Variants in FAM20A observed in about 807,000 individuals in gnomAD.
FAM20A encodes FAM20A golgi associated secretory pathway pseudokinase, also known as pseudokinase FAM20A.
A neutral mutation model predicts 52.0 loss-of-function variants in FAM20A; 42 were observed. The observed-to-expected ratio is 0.81, with a 90% CI of 0.63 to 1.04. The LOEUF is 1.04. FAM20A is among the 50% of genes least tolerant of loss of function. The pLI, the probability that FAM20A is intolerant of heterozygous loss-of-function variation, is 0.00. For synonymous variants in FAM20A, 304 were observed against 298.9 expected, an observed-to-expected ratio of 1.02 and a Z score of -0.18; for missense variants, 742 against 712.7, an observed-to-expected ratio of 1.04 and a Z score of -0.47.
intron 1 of FAM20A, among the ~76,000 whole-genome samples, chr17:68,579,029 A>AG (rs1341765615): frequency 6.6e-6 from 1 of 150,950 alleles, no homozygotes; most frequent in East Asian, 1.9e-4. Context: ...AAAAAAAAAA[A>AG]CATGTCTAGG....
rs569536422 is a variant in FAM20A at position 68,543,323 on chromosome 17, G to A, written c.812+306C>T. Among the ~76,000 whole-genome samples the A allele has an allele frequency of 1.3e-5, 2 of 152,288 alleles. 1 individual carries two copies. The highest frequency in any genetic ancestry group is 4.1e-4 in the South Asian group (2 of 4,822). On this transcript the variant is annotated intron_variant, in intron 5 of 10. Transcript: ENST00000592554. ...AACAGTGAGACTCCTTGGATAAATA[G>A]GAGTGGGTGCATTCTCCTCGCTCTC...
At chr17:68,581,350 T>TTTTCTTTCTTTTCTTTC (rs2087943367) in intron 1 of FAM20A, among the ~76,000 whole-genome samples, 1 of 92,218 alleles carries the variant, frequency 1.1e-5, no homozygotes, top group Non-Finnish European at 2.1e-5. Context: ...GAAATGCAGT[T>TTTTCTTTCTTTTCTTTC]TTTCTTTCTT....
rs748626276 is a variant in FAM20A, at chr17:68,543,573, C to T, written c.812+56G>A. 9 of 1,497,508 alleles carry T rather than the reference C, an allele frequency of 6.0e-6. No individual in the cohort carries two copies. In the African/African-American group the frequency reaches 1.2e-4, roughly 21 times the overall value. 92.8% of individuals were successfully genotyped at this position (1,497,508 alleles called of 1,614,324 possible). A position where few individuals can be genotyped will look rare whatever the true frequency, so the allele number is the denominator to read the frequency against. On this transcript the variant is annotated intron_variant, in intron 5 of 10. Transcript: ENST00000592554. ...CACCTTGAGGGTCTGTCTAGCCACC[C>T]CTCCCAGAGGATTGGTCCTTATAGG...
chr17:68,550,384 TTTTTTTTTTTTTA>T, intron 4 of FAM20A, among the ~76,000 whole-genome samples: 1 of 136,936 alleles, frequency 7.3e-6, no homozygotes, highest in South Asian at 2.4e-4. Flanking sequence ...TTTTTTTTTT[TTTTTTTTTTTTTA>T]AGATAGAGAG....
chr17:68,564,232 C>G lies in FAM20A; in HGVS notation c.405-8489G>C, dbSNP rs144575690. Among the ~76,000 whole-genome samples the G allele has an allele frequency of 2.7e-3, 418 of 152,240 alleles. 2 individuals are homozygous for G. Among genetic ancestry groups the G allele is most frequent in the African/African-American group, 9.3e-3 (385 of 41,516 alleles). ...GTACAGGCTTAAAAAGTAGTTTAAGCCCTCTGAGCTTCAGTTTAGCTGTTG... is the reference window on the plus strand; with the variant it reads ...GTACAGGCTTAAAAAGTAGTTTAAGGCCTCTGAGCTTCAGTTTAGCTGTTG... On this transcript the variant is annotated intron_variant, in intron 1 of 10. Coordinates refer to ENST00000592554, the MANE Select transcript of FAM20A (RefSeq NM_017565.4).
intron 3 of FAM20A, among the ~76,000 whole-genome samples, chr17:68,553,901 CATAT>C (rs1270996263): frequency 7.5e-6 from 1 of 133,548 alleles, no homozygotes; most frequent in South Asian, 2.3e-4. Context: ...CACATATATG[CATAT>C]ATACATATAT....
intron 1 of FAM20A, among the ~76,000 whole-genome samples, chr17:68,571,987 C>CATACAT (rs2087555404): frequency 9.1e-5 from 4 of 43,770 alleles, no homozygotes; most frequent in African/African-American, 1.2e-4. Flanking sequence ...TATATACATA[C>CATACAT]ATATATATAT....
chr17:68,566,786 G>A (rs1397375710), intron 1 of FAM20A, among the ~76,000 whole-genome samples: 1 of 152,188 alleles, frequency 6.6e-6, no homozygotes, highest in African/African-American at 2.4e-5. Context: ...CTTTTGATGG[G>A]TAGTTTTAAA....
rs2086106887 is a variant in FAM20A, at chr17:68,536,717, G to A, written c.*760C>T. 2.2e-6 allele frequency: 1 copy of A among 453,868 alleles called. No homozygotes were observed. The highest frequency in any genetic ancestry group is 4.4e-6 in the Non-Finnish European group (1 of 226,782). 28.1% of individuals were successfully genotyped at this position (453,868 alleles called of 1,614,324 possible). On this transcript the variant is annotated 3_prime_UTR_variant, in exon 11 of 11. Transcript: ENST00000592554. ...GCTAGGCCTGTTCCCATGCCATCCT[G>A]ACCTTGGAGGACTTTCCTTTTTTTT...
chr17:68,565,297 G>T (rs1261555014), intron 1 of FAM20A, among the ~76,000 whole-genome samples: 4 of 150,876 alleles, frequency 2.7e-5, no homozygotes, highest in Non-Finnish European at 4.4e-5. Context: ...CATTCCTAAG[G>T]TCTCCCAGCT....
At chr17:68,594,382 G>C (rs2088394233) in intron 1 of FAM20A, among the ~76,000 whole-genome samples, 1 of 150,008 alleles carries the variant, frequency 6.7e-6, no homozygotes, top group African/African-American at 2.5e-5. Flanking sequence ...CTGGGCGACA[G>C]AGCGAGACTC....
chr17:68,573,932 C>T (rs2087651699), intron 1 of FAM20A, among the ~76,000 whole-genome samples: 1 of 152,026 alleles, frequency 6.6e-6, no homozygotes, highest in South Asian at 2.1e-4. Context: ...CCTGCCTCAG[C>T]CTCCCAAAGT....
At chr17:68,557,707 G>C (rs2087094464) in intron 1 of FAM20A, 1 of 152,178 alleles carries the variant, frequency 6.6e-6, no homozygotes. Flanking sequence ...CTGACACCCA[G>C]AATTAAGTGT....
chr17:68,577,755 C>T (rs866069714), intron 1 of FAM20A, among the ~76,000 whole-genome samples: 2 of 152,300 alleles, frequency 1.3e-5, no homozygotes, highest in South Asian at 4.1e-4. Context: ...AGCCTCTCCA[C>T]TCCTTCTATA....
At chr17:68,556,580 G>T (rs2907378) in intron 1 of FAM20A, among the ~76,000 whole-genome samples, 2,122 of 152,024 alleles carry the variant, frequency 0.014, 39 homozygotes, top group African/African-American at 0.048. Flanking sequence ...GGGCAGGGAG[G>T]GGGGGTGGTT....
intron 4 of FAM20A, among the ~76,000 whole-genome samples, chr17:68,545,179 A>C (rs1268960610): frequency 6.6e-6 from 1 of 152,230 alleles, no homozygotes; most frequent in African/African-American, 2.4e-5. Context: ...TTGGGACTGA[A>C]TTTTATAAAA....
At chr17:68,561,008 T>C (rs2143744251) in intron 1 of FAM20A, among the ~76,000 whole-genome samples, 1 of 152,366 alleles carries the variant, frequency 6.6e-6, no homozygotes, top group African/African-American at 2.4e-5. Flanking sequence ...TGTTAGTCTT[T>C]TTCCTATTGA....
rs997452932 is a variant in FAM20A, at chr17:68,540,796, C to T, written c.1219+53G>A. ...TTTGTGCTCAAGGTCACGGGGAACC[C>T]TAGCCACATAGCAGAGCCCACTTCT... On this transcript the variant is annotated intron_variant, in intron 8 of 10. Transcript: ENST00000592554. 6.1e-5 allele frequency: 95 copies of T among 1,555,312 alleles called. No individual in the cohort carries two copies. In the Middle Eastern group the frequency reaches 8.9e-4, roughly 15 times the overall value.
intron 3 of FAM20A, among the ~76,000 whole-genome samples, chr17:68,554,021 TACATATATAC>T (rs1285960673): frequency 2.1e-5 from 2 of 93,864 alleles, no homozygotes; most frequent in African/African-American, 1.1e-4. Flanking sequence ...TATACATATA[TACATATATAC>T]ACACATGCAT....
Sources: gnomAD v4.1 joint callset for allele counts (sites outside exome capture counted in the v4.1 genomes callset) on GRCh38, gnomAD v4.1.1 for gene constraint, MANE v1.5 for transcripts, NCBI Gene and HGNC (gene_info 2026-07-23, HGNC 2026-07-21) for gene names.